Variants in AEBP2 observed in about 807,000 individuals in gnomAD.
AEBP2 encodes the protein AE binding protein 2, also known as zinc finger protein AEBP2.
AEBP2 carries 10 observed loss-of-function variants against 50.8 expected under a neutral mutation model. That is an observed-to-expected ratio of 0.20 (90% CI 0.12 to 0.33). AEBP2 has a LOEUF of 0.33. Among genes scored for constraint, AEBP2 ranks in the 10% least tolerant of loss-of-function variants. AEBP2 has a pLI of 1.00. For missense variants in AEBP2, 570 were observed against 688.0 expected, an observed-to-expected ratio of 0.83 and a Z score of 1.92; for synonymous variants, 296 against 261.3, an observed-to-expected ratio of 1.13 and a Z score of -1.28.
At chr12:19,515,471 C>A (rs893418633) in intron 7 of AEBP2, among the ~76,000 whole-genome samples, 1 of 151,980 alleles carries the variant, frequency 6.6e-6, no homozygotes, top group African/African-American at 2.4e-5. Flanking sequence ...CAAGTTTGCA[C>A]GAATGTGGTT....
chr12:19,494,953 C>T (rs1378390345), intron 4 of AEBP2, among the ~76,000 whole-genome samples: 1 of 152,066 alleles, frequency 6.6e-6, no homozygotes, highest in East Asian at 1.9e-4. Context: ...GTCGCCCAGG[C>T]TGGAGCGCAG....
chr12:19,465,393 C>G (rs1239144772), intron 2 of AEBP2, among the ~76,000 whole-genome samples: 6 of 143,240 alleles, frequency 4.2e-5, no homozygotes, highest in African/African-American at 1.5e-4. Context: ...GACTCTGTCT[C>G]AAAAAAAAAA....
At chr12:19,477,232 T>TC (rs1480985414) in intron 3 of AEBP2, among the ~76,000 whole-genome samples, 2 of 152,204 alleles carry the variant, frequency 1.3e-5, no homozygotes, top group African/African-American at 4.8e-5. Context: ...CCTAGGTATA[T>TC]GATCATATCG....
chr12:19,462,224 G>A (rs1948391525), intron 1 of AEBP2, among the ~76,000 whole-genome samples: 1 of 152,152 alleles, frequency 6.6e-6, no homozygotes, highest in Non-Finnish European at 1.5e-5. Context: ...GGGTGTGGGT[G>A]TGGTTTGTTT....
intron 1 of AEBP2, among the ~76,000 whole-genome samples, chr12:19,422,317 GA>G (rs968712633): frequency 1.2e-4 from 18 of 152,018 alleles, no homozygotes; most frequent in Admixed American, 5.3e-4. Flanking sequence ...CACTCGAAAG[GA>G]AGTTAGTTAT....
chr12:19,412,743 G>A (rs912884555), intron 1 of AEBP2, among the ~76,000 whole-genome samples: 4 of 152,104 alleles, frequency 2.6e-5, no homozygotes, highest in African/African-American at 9.7e-5. Flanking sequence ...AAGGGGTCCC[G>A]AACAAGACCC....
Position 19,520,108 on chromosome 12 carries a change from A to G in AEBP2, c.*1991A>G, listed in dbSNP as rs1041327696. ...TGCCAAATAGAAGTGTTTCAGATAC[A>G]TAGTTTGTACCTGTATTTTTATTTT... On this transcript the variant is annotated 3_prime_UTR_variant, in exon 8 of 8. Transcript: ENST00000266508. 2.0e-5 allele frequency: 3 copies of G among 152,592 alleles called. No homozygotes were observed. Among genetic ancestry groups the G allele is most frequent in the African/African-American group, 7.2e-5 (3 of 41,464 alleles). 9.5% of individuals were successfully genotyped at this position (152,592 alleles called of 1,614,324 possible). A position where few individuals can be genotyped will look rare whatever the true frequency, so the allele number is the denominator to read the frequency against.
At chr12:19,466,357 G>C (rs1369574777) in intron 2 of AEBP2, among the ~76,000 whole-genome samples, 1 of 152,126 alleles carries the variant, frequency 6.6e-6, no homozygotes, top group Non-Finnish European at 1.5e-5. Context: ...TCCGGGGGAT[G>C]AGGTGGGAGA....
At chr12:19,407,687 T>C (rs60184987) in intron 1 of AEBP2, among the ~76,000 whole-genome samples, 76,953 of 151,832 alleles carry the variant, frequency 0.51, 20,281 homozygotes, top group Non-Finnish European at 0.6. Context: ...AATCCTTCTG[T>C]CTTGGCCTCC....
At chr12:19,445,380 T>C (rs1219824426) in intron 1 of AEBP2, among the ~76,000 whole-genome samples, 12 of 151,474 alleles carry the variant, frequency 7.9e-5, no homozygotes, top group African/African-American at 2.9e-4. Context: ...CTTTTTTTTT[T>C]TTTTTTTGTA....
intron 1 of AEBP2, among the ~76,000 whole-genome samples, chr12:19,444,780 C>G (rs1948029464): frequency 6.6e-6 from 1 of 152,164 alleles, no homozygotes; most frequent in Non-Finnish European, 1.5e-5. Context: ...AGGGCAGGGA[C>G]ATTTTTGCTT....
At chr12:19,490,943 A>G (rs1948887913) in intron 3 of AEBP2, among the ~76,000 whole-genome samples, 1 of 152,244 alleles carries the variant, frequency 6.6e-6, no homozygotes, top group Admixed American at 6.5e-5. Context: ...ACTGAATTGT[A>G]CACTTTCAAA....
chr12:19,478,865 T>G (rs530469679), intron 3 of AEBP2, among the ~76,000 whole-genome samples: 5 of 152,232 alleles, frequency 3.3e-5, no homozygotes, highest in Admixed American at 1.3e-4. Flanking sequence ...AAAAAATTTA[T>G]AGAGACTTGT....
At chr12:19,420,398 A>G (rs185440948) in intron 1 of AEBP2, among the ~76,000 whole-genome samples, 1 of 127,764 alleles carries the variant, frequency 7.8e-6, no homozygotes, top group Admixed American at 1.0e-4. Flanking sequence ...CGATGGTGCT[A>G]TCTCGGCTCA....
At chr12:19,487,797 TATATG>T (rs1223020798) in intron 3 of AEBP2, among the ~76,000 whole-genome samples, 1 of 152,142 alleles carries the variant, frequency 6.6e-6, no homozygotes, top group Non-Finnish European at 1.5e-5. Context: ...TGTAGTTTCA[TATATG>T]TAAGCGATTA....
chr12:19,469,415 G>A (rs1233011237), intron 2 of AEBP2, among the ~76,000 whole-genome samples: 12 of 152,110 alleles, frequency 7.9e-5, no homozygotes, highest in Admixed American at 3.3e-4. Flanking sequence ...GACTTACCAC[G>A]TGTGCTCAGA....
intron 5 of AEBP2, among the ~76,000 whole-genome samples, chr12:19,502,465 C>T (rs1949095876): frequency 6.6e-6 from 1 of 151,984 alleles, no homozygotes; most frequent in South Asian, 2.1e-4. Flanking sequence ...ATGGTGAGAG[C>T]TCAGTAGAGG....
intron 1 of AEBP2, among the ~76,000 whole-genome samples, chr12:19,445,451 T>G (rs1221100502): frequency 6.6e-6 from 1 of 151,248 alleles, no homozygotes; most frequent in Non-Finnish European, 1.5e-5. Context: ...TGACCTCAAA[T>G]GATCCGCTTG....
intron 1 of AEBP2, among the ~76,000 whole-genome samples, chr12:19,427,264 C>T (rs2095749023): frequency 1.3e-5 from 2 of 151,506 alleles, no homozygotes; most frequent in African/African-American, 4.9e-5. Flanking sequence ...GTAGCCCCAG[C>T]TACTCTGGAA....
Sources: gnomAD v4.1 joint callset for allele counts (sites outside exome capture counted in the v4.1 genomes callset) on GRCh38, gnomAD v4.1.1 for gene constraint, MANE v1.5 for transcripts, NCBI Gene and HGNC (gene_info 2026-07-23, HGNC 2026-07-21) for gene names.